WLS: variants seen among roughly 807,000 people sequenced by gnomAD.
The protein encoded by WLS is protein wntless homolog.
A neutral mutation model predicts 62.8 loss-of-function variants in WLS; 23 were observed. The ratio of observed to expected loss-of-function variants is 0.37; its 90% CI spans 0.26 to 0.52. The LOEUF (loss-of-function observed/expected upper bound fraction) is 0.52. Among genes scored for constraint, WLS ranks in the 20% least tolerant of loss-of-function variants. The pLI, the probability that WLS is intolerant of heterozygous loss-of-function variation, is 0.92. For synonymous variants in WLS, 246 were observed against 244.1 expected (o/e 1.01, Z -0.07); for missense variants, 615 against 697.3 (o/e 0.88, Z 1.33).
rs546865689 is a variant in WLS at position 68,229,546 on chromosome 1, A to G, written c.106+2648T>C. On this transcript the variant is annotated intron_variant, in intron 1 of 11. Coordinates refer to ENST00000262348, the MANE Select transcript of WLS (RefSeq NM_024911.7). ...TGAACTTTACCTTGACTTCCAGCCT[A>G]CAAACTGTTCCTTCAACTACTGTCT... is the stretch of plus-strand genomic sequence containing the variant. 1.9e-4 allele frequency among the ~76,000 whole-genome samples: 29 copies of G among 152,308 alleles called. No homozygotes were observed. In the East Asian group the frequency reaches 5.2e-3, roughly 27 times the overall value.
chr1:68,170,268 C>T (rs772347029), intron 2 of WLS, among the ~76,000 whole-genome samples: 2 of 148,816 alleles, frequency 1.3e-5, no homozygotes, highest in East Asian at 2.0e-4. Context: ...TGGGTTCAAG[C>T]GATTCTCCTG....
At chr1:68,201,133 G>T (rs1013257548) in intron 1 of WLS, among the ~76,000 whole-genome samples, 7 of 152,140 alleles carry the variant, frequency 4.6e-5, no homozygotes, top group Non-Finnish European at 1.0e-4. Flanking sequence ...CTGGTTAAAA[G>T]GAAACATGTG....
intron 1 of WLS, among the ~76,000 whole-genome samples, chr1:68,218,247 CT>C (rs1649813875): frequency 1.3e-5 from 2 of 150,286 alleles, no homozygotes; most frequent in Non-Finnish European, 3.0e-5. Context: ...ATTTTTTTTT[CT>C]TTTTTCTTTG....
At chr1:68,120,694 C>CTGTGTGTGTG (rs746624063), downstream of WLS, among the ~76,000 whole-genome samples, 14 of 150,706 alleles carry the variant, frequency 9.3e-5, no homozygotes, top group East Asian at 2.4e-3. Flanking sequence ...CTGTTAAGTT[C>CTGTGTGTGTG]TGTGTGTGTG....
intron 11 of WLS, among the ~76,000 whole-genome samples, chr1:68,110,368 A>T (rs1478089982): frequency 6.6e-6 from 1 of 152,108 alleles, no homozygotes; most frequent in African/African-American, 2.4e-5. Context: ...AGAAATGGAA[A>T]ACCTAAATAG....
rs887066602 is a variant in WLS, at chr1:68,107,937, G to C, written c.1511-9184C>G. Among the ~76,000 whole-genome samples, 5 of 152,136 alleles carry C rather than the reference G, an allele frequency of 3.3e-5. No individual in the cohort carries two copies. The East Asian group carries it at 9.7e-4, about 29-fold the overall frequency. On this transcript the variant is annotated intron_variant, in intron 11 of 11. Coordinates refer to the WLS transcript ENST00000354777. ...CCAGTGTGGCAGGAGGCCAGTTCTAGAGCCTTCCAGACCCAGCTCCCCGGG... is the reference window on the plus strand; with the variant it reads ...CCAGTGTGGCAGGAGGCCAGTTCTACAGCCTTCCAGACCCAGCTCCCCGGG...
At chr1:68,146,066 G>A (rs1646749312) in intron 8 of WLS, 54 bp from the exon 9 acceptor site, 13 of 1,591,228 alleles carry the variant, frequency 8.2e-6, no homozygotes, top group Non-Finnish European at 1.0e-5. Context: ...AGTTGAGCCG[G>A]GTCCAGGCCC....
chr1:68,216,916 G>C (rs1469032636), intron 1 of WLS, among the ~76,000 whole-genome samples: 2 of 152,154 alleles, frequency 1.3e-5, no homozygotes, highest in Non-Finnish European at 2.9e-5. Flanking sequence ...TGCTGAAAAA[G>C]ACAAAGTTCT....
At chr1:68,134,280 A>G (rs1646573751) in intron 11 of WLS, among the ~76,000 whole-genome samples, 1 of 152,192 alleles carries the variant, frequency 6.6e-6, no homozygotes, top group Admixed American at 6.5e-5. Context: ...GAAAAGTGAA[A>G]CAAAATAGAG....
At chr1:68,146,047 C>T in intron 8 of WLS, 35 bp from the exon 9 acceptor site, 1 of 1,608,230 alleles carries the variant, frequency 6.2e-7, no homozygotes, top group African/African-American at 1.3e-5. Context: ...AACGGGCTAG[C>T]CAAGGCCAAG....
At chr1:68,098,859 A>G in intron 11 of WLS, 2 of 1,440,580 alleles carry the variant, frequency 1.4e-6, no homozygotes, top group Admixed American at 5.3e-5. Flanking sequence ...ATTTTTACCT[A>G]CATAAATTTC....
chr1:68,162,195 C>T (rs760325487), intron 2 of WLS: 87 of 1,435,800 alleles, frequency 6.1e-5, no homozygotes, highest in Non-Finnish European at 7.5e-5. Context: ...AGGGCTCCGA[C>T]TCACGCACAT....
At chr1:68,212,348 C>A (rs951454068) in intron 1 of WLS, among the ~76,000 whole-genome samples, 1 of 152,182 alleles carries the variant, frequency 6.6e-6, no homozygotes, top group African/African-American at 2.4e-5. Flanking sequence ...TACTTGTAAA[C>A]CTTCTGGTCA....
chr1:68,170,235 C>T (rs1031825227), intron 2 of WLS, among the ~76,000 whole-genome samples: 9 of 145,618 alleles, frequency 6.2e-5, no homozygotes, highest in African/African-American at 1.5e-4. Context: ...GCACGATCTC[C>T]GCTCACTGCA....
intron 11 of WLS, among the ~76,000 whole-genome samples, chr1:68,116,763 A>T (rs568452506): frequency 6.6e-6 from 1 of 152,188 alleles, no homozygotes; most frequent in African/African-American, 2.4e-5. Flanking sequence ...CTCTATAAAC[A>T]GTTGTTGGGT....
intron 2 of WLS, chr1:68,163,026 C>T (rs578188830): frequency 1.6e-5 from 25 of 1,588,858 alleles, no homozygotes; most frequent in African/African-American, 9.4e-5. Flanking sequence ...GATCTGGGGG[C>T]GGATACCTTC....
chr1:68,223,175 G>C (rs1357936715), intron 1 of WLS, among the ~76,000 whole-genome samples: 1 of 152,158 alleles, frequency 6.6e-6, no homozygotes, highest in East Asian at 1.9e-4. Context: ...TAAAGTAAAA[G>C]TAATAGATTG....
intron 1 of WLS, among the ~76,000 whole-genome samples, chr1:68,201,417 TA>T (rs1054639515): frequency 1.3e-4 from 20 of 152,262 alleles, no homozygotes; most frequent in African/African-American, 4.3e-4. Context: ...GAAGTTATAG[TA>T]GACACTTATG....
chr1:68,218,375 A>T (rs183077660), intron 1 of WLS, among the ~76,000 whole-genome samples: 2 of 152,308 alleles, frequency 1.3e-5, no homozygotes, highest in East Asian at 1.9e-4. Context: ...GAAATCGTAC[A>T]TCCAAGTCTG....
Sources: gnomAD v4.1 joint callset for allele counts (sites outside exome capture counted in the v4.1 genomes callset) on GRCh38, gnomAD v4.1.1 for gene constraint, MANE v1.5 for transcripts, NCBI Gene and HGNC (gene_info 2026-07-23, HGNC 2026-07-21) for gene names.